The following WNK2 variants were observed in gnomAD, a reference collection of about 807,000 sequenced individuals.
WNK2 encodes the protein serine/threonine-protein kinase WNK2.
In WNK2, 67 loss-of-function variants were observed where a neutral mutation model predicts 192.1. The observed-to-expected ratio is 0.35, with a 90% CI of 0.29 to 0.43. The LOEUF (loss-of-function observed/expected upper bound fraction) is 0.43. Ranked by LOEUF, WNK2 falls within the 20% of genes least tolerant of loss-of-function variation. The pLI is 1.00. For missense variants in WNK2, 2,698 were observed against 3,089.7 expected, an observed-to-expected ratio of 0.87 and a Z score of 3.01; for synonymous variants, 1,439 against 1,393.9, an observed-to-expected ratio of 1.03 and a Z score of -0.72.
At chr9:93,269,183 C>T (rs1301684367) in intron 19 of WNK2, among the ~76,000 whole-genome samples, 1 of 145,228 alleles carries the variant, frequency 6.9e-6, no homozygotes, top group Non-Finnish European at 1.5e-5. Flanking sequence ...TTAAAGTGTT[C>T]ACACAGACAT....
intron 2 of WNK2, among the ~76,000 whole-genome samples, chr9:93,203,880 C>T (rs748106322): frequency 3.3e-5 from 5 of 152,062 alleles, no homozygotes; most frequent in African/African-American, 1.2e-4. Flanking sequence ...TGGTTACCCA[C>T]GCAGCCCTGT....
chr9:93,318,140 TC>T (rs1855075244), intron 29 of WNK2: 1 of 1,525,378 alleles, frequency 6.6e-7, no homozygotes, highest in Non-Finnish European at 8.8e-7. Context: ...GCTTTTCCGT[TC>T]CCTGATGAAA....
intron 7 of WNK2, among the ~76,000 whole-genome samples, chr9:93,241,847 T>C (rs2132329737): frequency 6.6e-6 from 1 of 151,364 alleles, no homozygotes; most frequent in South Asian, 2.1e-4. Context: ...AGCAGCAGTC[T>C]CTCAGCTGGA....
chr9:93,202,676 G>A (rs1389759210), intron 2 of WNK2, among the ~76,000 whole-genome samples: 1 of 151,988 alleles, frequency 6.6e-6, no homozygotes, highest in Non-Finnish European at 1.5e-5. Flanking sequence ...GGTGGGGGCC[G>A]AATCAGGAGG....
chr9:93,203,880 C>G (rs748106322), intron 2 of WNK2, among the ~76,000 whole-genome samples: 1 of 152,062 alleles, frequency 6.6e-6, no homozygotes. Flanking sequence ...TGGTTACCCA[C>G]GCAGCCCTGT....
intron 2 of WNK2, among the ~76,000 whole-genome samples, chr9:93,200,211 C>T (rs1313098165): frequency 3.9e-5 from 6 of 152,082 alleles, no homozygotes; most frequent in Admixed American, 6.5e-5. Flanking sequence ...GATGGCTTAT[C>T]GGGGGGCCTC....
intron 7 of WNK2, among the ~76,000 whole-genome samples, chr9:93,242,674 C>T (rs773359731): frequency 3.3e-5 from 5 of 152,228 alleles, no homozygotes; most frequent in Non-Finnish European, 5.9e-5. Flanking sequence ...CCTGGCTGGC[C>T]GCTCAGTGGG....
At chr9:93,266,363 G>A (rs1845174869) in intron 16 of WNK2, among the ~76,000 whole-genome samples, 1 of 152,050 alleles carries the variant, frequency 6.6e-6, no homozygotes, top group Admixed American at 6.5e-5. Flanking sequence ...TAATTGGCGT[G>A]GATTCTAATG....
In WNK2 at chr9:93,299,067, C is replaced by T. The variant is rs1466121407; in HGVS notation, c.5924-3C>T. 1 of 1,608,856 alleles carries T rather than the reference C, an allele frequency of 6.2e-7. No homozygotes were observed. Among genetic ancestry groups the T allele is most frequent in the Non-Finnish European group, 8.5e-7 (1 of 1,178,626 alleles). ...GCCTGTCGCCTCTTCTCCCCCCGCCCAGGTCACTTGGCTGACTCCAGCAGA... is the reference window on the plus strand; with the variant it reads ...GCCTGTCGCCTCTTCTCCCCCCGCCTAGGTCACTTGGCTGACTCCAGCAGA... On this transcript the variant is annotated splice_region_variant and splice_polypyrimidine_tract_variant and intron_variant, in intron 24 of 29. Coordinates refer to ENST00000427277, the MANE Select transcript of WNK2 (RefSeq NM_006648.4).
chr9:93,288,221 G>A (rs898330570), intron 19 of WNK2, among the ~76,000 whole-genome samples: 7 of 152,204 alleles, frequency 4.6e-5, no homozygotes, highest in African/African-American at 1.4e-4. Context: ...CTGGGGTTCT[G>A]GATTCCTCCC....
chr9:93,261,747 C>T, intron 12 of WNK2, 67 bp from the exon 13 acceptor site: 1 of 1,527,492 alleles, frequency 6.5e-7, no homozygotes, highest in South Asian at 1.2e-5. Flanking sequence ...CCAGACACAC[C>T]TGGGCACGGC....
intron 2 of WNK2, among the ~76,000 whole-genome samples, chr9:93,195,263 A>G (rs1367582369): frequency 2.0e-5 from 3 of 152,196 alleles, no homozygotes; most frequent in African/African-American, 7.2e-5. Flanking sequence ...CACTAATGCA[A>G]GATGTTAATA....
Position 93,184,190 on chromosome 9 carries a change from G to T in WNK2, c.-198G>T, listed in dbSNP as rs1370875968. ...TGCGGGAGCGGAGCCGCGCGAAGCC[G>T]GCAGGAGCACGCGGGAGCGCGGCCC... On this transcript the variant is annotated 5_prime_UTR_variant, in exon 1 of 30. Coordinates refer to ENST00000427277, the MANE Select transcript of WNK2 (RefSeq NM_006648.4). 1.3e-5 allele frequency among the ~76,000 whole-genome samples: 2 copies of T among 149,674 alleles called. No individual in the cohort carries two copies. The highest frequency in any genetic ancestry group is 3.0e-5 in the Non-Finnish European group (2 of 67,244).
At chr9:93,291,545 CAG>C (rs1316673912) in intron 21 of WNK2, among the ~76,000 whole-genome samples, 1 of 152,130 alleles carries the variant, frequency 6.6e-6, no homozygotes, top group Non-Finnish European at 1.5e-5. Flanking sequence ...GGACACGTGA[CAG>C]GGACTGGATT....
In WNK2 at chr9:93,229,998, C is replaced by G. The variant is rs1391777659; in HGVS notation, c.854+130C>G. On this transcript the variant is annotated intron_variant, in intron 3 of 29. Coordinates refer to ENST00000427277, the MANE Select transcript of WNK2 (RefSeq NM_006648.4). The surrounding 1 kb of genome is among the most constrained non-coding windows in gnomAD (Gnocchi z 4.9). ...TGTGGGAGGCTGTCTCCTCTTTCCT[C>G]TCCTGCATGGGATGCCAGGAGGTGG... The G allele has an allele frequency of 1.7e-6, 2 of 1,149,658 alleles. No homozygotes were observed. The highest frequency in any genetic ancestry group is 2.6e-5 in the East Asian group (1 of 38,832). The allele number at this position is 1,149,658 out of a possible 1,614,324, so 71.2% of individuals were successfully genotyped here.
chr9:93,242,656 T>C (rs769587164), intron 7 of WNK2, among the ~76,000 whole-genome samples: 2 of 152,246 alleles, frequency 1.3e-5, no homozygotes, highest in African/African-American at 2.4e-5. Flanking sequence ...AACATCTCTC[T>C]GGAGGCACCT....
rs553306223 is a variant in WNK2, at chr9:93,292,518, C to T, written c.5053C>T (p.Arg1685Cys). 507 of 1,585,942 alleles carry T rather than the reference C, an allele frequency of 3.2e-4. 3 individuals are homozygous for T. The South Asian group carries it at 5.4e-3, about 17-fold the overall frequency. ...QDVPAFVRPARVEPTDRDGGE... is the reference protein window; with the variant it reads ...QDVPAFVRPACVEPTDRDGGE... ...TGTACCTGCTTTTGTGAGACCTGCA[C>T]GTGTGGAGCCCACAGACAGGGATGG... Residue 1685 changes from arginine to cysteine, a missense_variant, in exon 23 of 30, where the codon CGT (arginine) becomes TGT (cysteine). By Grantham distance (180) the Arg-to-Cys change is radical. Transcript: ENST00000427277.
chr9:93,199,620 C>T (rs558925181), intron 2 of WNK2, among the ~76,000 whole-genome samples: 10 of 152,068 alleles, frequency 6.6e-5, no homozygotes, highest in East Asian at 3.9e-4. Flanking sequence ...AGCTGTGGGC[C>T]GGGTGCGGTG....
chr9:93,262,750 CG>C, intron 14 of WNK2, 31 bp downstream of exon 14: 1 of 1,609,654 alleles, frequency 6.2e-7, no homozygotes, highest in Non-Finnish European at 8.5e-7. Flanking sequence ...CCTCGCAGGA[CG>C]GGTGTAGGGG....
Sources: gnomAD v4.1 joint callset for allele counts (sites outside exome capture counted in the v4.1 genomes callset) on GRCh38, gnomAD v4.1.1 for gene constraint, Gnocchi (gnomAD v3.1) non-coding constraint, MANE v1.5 for transcripts, NCBI Gene and HGNC (gene_info 2026-07-23, HGNC 2026-07-21) for gene names.